Variants in OAF observed in about 807,000 individuals in gnomAD.
The protein encoded by OAF is out at first homolog, also known as out at first protein homolog.
OAF carries 13 observed loss-of-function variants against 22.5 expected under a neutral mutation model. That is an observed-to-expected ratio of 0.58 (90% confidence interval 0.38 to 0.92). OAF has a LOEUF of 0.92. OAF is among the 40% of genes least tolerant of loss of function. OAF has a pLI of 0.00. For missense variants in OAF, 347 were observed against 381.8 expected, an observed-to-expected ratio of 0.91 and a Z score of 0.76; for synonymous variants, 175 against 170.5, an observed-to-expected ratio of 1.03 and a Z score of -0.21.
At chr11:120,216,426 A>G (rs2135090692) in intron 1 of OAF, among the ~76,000 whole-genome samples, 1 of 152,324 alleles carries the variant, frequency 6.6e-6, no homozygotes, top group Non-Finnish European at 1.5e-5. Context: ...AGGAAAAGGC[A>G]GTGGAGGTGC....
rs1347266338 is a variant in OAF at position 120,211,084 on chromosome 11, G to T, written c.-196G>T. 2 of 194,944 alleles carry T rather than the reference G, an allele frequency of 1.0e-5. No individual in the cohort carries two copies. The highest frequency in any genetic ancestry group is 4.7e-5 in the African/African-American group (2 of 42,348). The allele number at this position is 194,944 out of a possible 1,614,324, so 12.1% of individuals were successfully genotyped here. Reference sequence around the variant, plus strand: ...CCGGGGCAGCGCCGTCTCCGCCTCGGGGCCGCCGGGGGCGCCCTGCTGAGC... The same window carrying T: ...CCGGGGCAGCGCCGTCTCCGCCTCGTGGCCGCCGGGGGCGCCCTGCTGAGC... On this transcript the variant is annotated 5_prime_UTR_variant, in exon 1 of 4. Transcript: ENST00000328965.
chr11:120,224,393 T>C (rs1938324862), intron 1 of OAF, among the ~76,000 whole-genome samples: 1 of 152,326 alleles, frequency 6.6e-6, no homozygotes, highest in African/African-American at 2.4e-5. Context: ...GATAACTTAC[T>C]TAGTCCTCAC....
chr11:120,229,364 C>CT lies in OAF; in HGVS notation c.*222_*223insT. ...CCATTCCCACCCTGTGCCTTCCTTG[C>CT]GGGCAGAGAGGGAGAGAAGGGCTCC... On this transcript the variant is annotated 3_prime_UTR_variant, in exon 4 of 4. Coordinates refer to ENST00000328965, the MANE Select transcript of OAF (RefSeq NM_178507.4). 2 of 551,802 alleles carry CT rather than the reference C, an allele frequency of 3.6e-6. No individual in the cohort carries two copies. The highest frequency in any genetic ancestry group is 6.5e-6 in the Non-Finnish European group (2 of 305,912). 34.2% of individuals were successfully genotyped at this position (551,802 alleles called of 1,614,324 possible). A position where few individuals can be genotyped will look rare whatever the true frequency, so the allele number is the denominator to read the frequency against.
In OAF at chr11:120,226,960, A is replaced by G; in HGVS notation, c.511A>G (p.Thr171Ala). The change falls in exon 3 of 4, where the codon ACC (threonine) becomes GCC (alanine). Residue 171 changes from threonine to alanine, a missense_variant. Transcript: ENST00000328965. Reference protein sequence around the residue: ...VCAEAVDAIYTRQEDVRFWLE... With the variant: ...VCAEAVDAIYARQEDVRFWLE... ...TGCCGAGGCCGTGGATGCCATCTAC[A>G]CCCGCCAGGAGGATGTCCGGTTCTG... 1.9e-6 allele frequency: 3 copies of G among 1,603,456 alleles called. No homozygotes were observed. The highest frequency in any genetic ancestry group is 2.2e-5 in the East Asian group (1 of 44,460).
At chr11:120,212,279 GGT>G (rs1186705393) in intron 1 of OAF, among the ~76,000 whole-genome samples, 1 of 151,326 alleles carries the variant, frequency 6.6e-6, no homozygotes, top group Non-Finnish European at 1.5e-5. Context: ...TGGGTGTGTG[GGT>G]GTGTGTCCCA....
At position 120,215,306 on chromosome 11, in the gene OAF, A is replaced by C. The variant is rs1938194603; in HGVS notation, c.231+3796A>C. ...GAAGCGGAGGTTGCAGTGAGCCTGG[A>C]TCGCGCCACTGCACTCCAGTCTGGG... On this transcript the variant is annotated intron_variant, in intron 1 of 3. Transcript: ENST00000328965. 2.0e-5 allele frequency among the ~76,000 whole-genome samples: 3 copies of C among 152,214 alleles called. No homozygotes were observed. The South Asian group carries it at 6.2e-4, about 32-fold the overall frequency.
At position 120,229,161 on chromosome 11, in the gene OAF, G is replaced by C. The variant is rs757154018; in HGVS notation, c.*19G>C. The C allele has an allele frequency of 3.1e-6, 5 of 1,602,392 alleles. No individual in the cohort carries two copies. The highest frequency in any genetic ancestry group is 4.3e-6 in the Non-Finnish European group (5 of 1,172,662). ...AGGCTAGGGTGGGAGCAACCTGGCG[G>C]GTGGCTGCTCTGGGCCCACTGCTCT... On this transcript the variant is annotated 3_prime_UTR_variant, in exon 4 of 4. Coordinates refer to ENST00000328965, the MANE Select transcript of OAF (RefSeq NM_178507.4).
chr11:120,229,054 T>A lies in OAF; in HGVS notation c.734T>A (p.Ile245Asn). ...CGGCCCACGCCCTACAAGTGTGGCA[T>A]CCGCAGCTGCCAGAAGAGCTACAGC... ...RDRPTPYKCG[I>N]RSCQKSYSFD... Residue 245 changes from isoleucine to asparagine, a missense_variant, in exon 4 of 4, where the codon ATC (isoleucine) becomes AAC (asparagine). Transcript: ENST00000328965. 6.2e-7 allele frequency: 1 copy of A among 1,613,536 alleles called. No individual in the cohort carries two copies. Among genetic ancestry groups the A allele is most frequent in the Non-Finnish European group, 8.5e-7 (1 of 1,179,880 alleles).
chr11:120,223,746 C>T (rs569574438), intron 1 of OAF, among the ~76,000 whole-genome samples: 93 of 152,216 alleles, frequency 6.1e-4, no homozygotes, highest in Non-Finnish European at 1.1e-3. Context: ...TTTCCTGCAC[C>T]TGCGGTATTG....
intron 3 of OAF, among the ~76,000 whole-genome samples, chr11:120,227,957 C>G (rs1938383849): frequency 6.6e-6 from 1 of 152,156 alleles, no homozygotes; most frequent in Non-Finnish European, 1.5e-5. Flanking sequence ...CAGGCCGGTA[C>G]CTTCCGTCTC....
At chr11:120,219,506 C>T (rs1414413182) in intron 1 of OAF, among the ~76,000 whole-genome samples, 1 of 152,290 alleles carries the variant, frequency 6.6e-6, no homozygotes, top group African/African-American at 2.4e-5. Flanking sequence ...CCAGGGGCTC[C>T]CTCCCCACCC....
chr11:120,220,363 C>A (rs1049761667), intron 1 of OAF, among the ~76,000 whole-genome samples: 6 of 152,178 alleles, frequency 3.9e-5, no homozygotes, highest in African/African-American at 1.4e-4. Context: ...TAGTACATTC[C>A]CACCGCTTTT....
Position 120,211,403 on chromosome 11 carries a change from C to CAGGT in OAF, c.125_128dup (p.Thr44GlyfsTer68). On this transcript the variant is annotated frameshift_variant, in exon 1 of 4. Transcript: ENST00000328965. LOFTEE classifies it high-confidence loss of function. ...GGTCCGCGTGCGGCTGCCGGACGGC[C>CAGGT]AGGTGACCGAGGAGAGCCTGCAGGC... 6.6e-7 allele frequency: 1 copy of CAGGT among 1,514,952 alleles called. No homozygotes were observed. Among genetic ancestry groups the CAGGT allele is most frequent in the Non-Finnish European group, 8.8e-7 (1 of 1,130,242 alleles). The allele number at this position is 1,514,952 out of a possible 1,614,324, so 93.8% of individuals were successfully genotyped here.
rs759011534 is a variant in OAF, at chr11:120,228,951, G to A, written c.631G>A (p.Gly211Arg). 11 of 1,612,192 alleles carry A rather than the reference G, an allele frequency of 6.8e-6. No homozygotes were observed. Among genetic ancestry groups the A allele is most frequent in the South Asian group, 2.2e-5 (2 of 91,060 alleles). Residue 211 changes from glycine to arginine, a missense_variant, in exon 4 of 4, where the codon GGG becomes AGG. Coordinates refer to ENST00000328965, the MANE Select transcript of OAF (RefSeq NM_178507.4). ...TCGCTGCAGGCAGGTGGGGGACCACGGGAAGCCCTGCGTCTGCCGCTATGG... is the reference window on the plus strand; with the variant it reads ...TCGCTGCAGGCAGGTGGGGGACCACAGGAAGCCCTGCGTCTGCCGCTATGG... The part of the protein sequence containing the change: ...LPRCRQVGDH[G>R]KPCVCRYGLS...
In OAF at chr11:120,211,346, C is replaced by T. The variant is rs1230278483; in HGVS notation, c.67C>T (p.Leu23=). ...GCTGCTGCTGCCGCTGCTCGCGCCGCTGCTGGGAACGGGTGCGCCGGCCGA... is the reference window on the plus strand; with the variant it reads ...GCTGCTGCTGCCGCTGCTCGCGCCGTTGCTGGGAACGGGTGCGCCGGCCGA... ...LLLLLPLLAP[L]LGTGAPAELR... is the part of the protein sequence containing the mutation. Residue 23 remains leucine (L), a synonymous_variant, in exon 1 of 4, where the codon CTG becomes TTG. Coordinates refer to ENST00000328965, the MANE Select transcript of OAF (RefSeq NM_178507.4). 1.4e-6 allele frequency: 2 copies of T among 1,427,280 alleles called. No individual in the cohort carries two copies. Among genetic ancestry groups the T allele is most frequent in the East Asian group, 3.0e-5 (1 of 33,100 alleles). 88.4% of individuals were successfully genotyped at this position (1,427,280 alleles called of 1,614,324 possible).
intron 1 of OAF, among the ~76,000 whole-genome samples, chr11:120,219,330 G>C (rs545238427): frequency 1.0e-3 from 156 of 152,282 alleles, no homozygotes; most frequent in Non-Finnish European, 1.9e-3. Context: ...TGGGGAAGCC[G>C]TGTGAGCCTG....
At position 120,229,989 on chromosome 11, in the gene OAF, C is replaced by T. The variant is rs1239281060; in HGVS notation, c.*847C>T. On this transcript the variant is annotated 3_prime_UTR_variant, in exon 4 of 4. Transcript: ENST00000328965. The stretch of plus-strand genomic sequence containing the variant: ...GAAAACTTTTGGCCAATGCTGCCAC[C>T]TGATGTCAGAAAGTGTCCCCACACC... 1 of 152,314 alleles carries T rather than the reference C, an allele frequency of 6.6e-6. No homozygotes were observed. The highest frequency in any genetic ancestry group is 2.4e-5 in the African/African-American group (1 of 41,442). 9.4% of individuals were successfully genotyped at this position (152,314 alleles called of 1,614,324 possible).
At chr11:120,212,728 C>A (rs1001187187) in intron 1 of OAF, among the ~76,000 whole-genome samples, 1 of 146,842 alleles carries the variant, frequency 6.8e-6, no homozygotes, top group Non-Finnish European at 1.5e-5. Flanking sequence ...AGGGGTTAGG[C>A]TTGACCGCTA....
At chr11:120,228,319 A>G (rs1319914471) in intron 3 of OAF, among the ~76,000 whole-genome samples, 1 of 152,162 alleles carries the variant, frequency 6.6e-6, no homozygotes, top group African/African-American at 2.4e-5. Context: ...TCCTGGCCTC[A>G]GGTGATCCAC....
Sources: gnomAD v4.1 joint callset for allele counts (sites outside exome capture counted in the v4.1 genomes callset) on GRCh38, gnomAD v4.1.1 for gene constraint, MANE v1.5 for transcripts, NCBI Gene and HGNC (gene_info 2026-07-23, HGNC 2026-07-21) for gene names.